GNA14: variants seen among roughly 807,000 people sequenced by gnomAD.
The protein encoded by GNA14 is G protein subunit alpha 14.
GNA14 carries 50 observed loss-of-function variants against 42.0 expected under a neutral mutation model. That is an observed-to-expected ratio of 1.19 (90% CI 0.95 to 1.51). The LOEUF (loss-of-function observed/expected upper bound fraction) is 1.51, where lower values mean the gene tolerates loss of function less well. Ranked by LOEUF, GNA14 falls within the 40% of genes most tolerant of loss-of-function variation. The pLI, the probability that GNA14 is intolerant of heterozygous loss-of-function variation, is 0.00. For missense variants in GNA14, 473 were observed against 446.2 expected, an observed-to-expected ratio of 1.06 and a Z score of -0.54; for synonymous variants, 173 against 163.1, an observed-to-expected ratio of 1.06 and a Z score of -0.46.
intron 1 of GNA14, among the ~76,000 whole-genome samples, chr9:77,538,477 G>A (rs548612890): frequency 4.6e-5 from 7 of 151,848 alleles, no homozygotes; most frequent in African/African-American, 1.4e-4. Flanking sequence ...ATATGATGTT[G>A]GTATTCTGAT....
intron 1 of GNA14, among the ~76,000 whole-genome samples, chr9:77,595,235 A>G (rs1308268958): frequency 6.6e-6 from 1 of 152,004 alleles, no homozygotes; most frequent in East Asian, 1.9e-4. Context: ...TGTTAAGTTA[A>G]TGTTTGGATT....
chr9:77,594,115 G>A (rs550563894), intron 1 of GNA14, among the ~76,000 whole-genome samples: 3 of 152,208 alleles, frequency 2.0e-5, no homozygotes, highest in Non-Finnish European at 2.9e-5. Context: ...AAACTCCATC[G>A]TGGCACAGAG....
intron 1 of GNA14, among the ~76,000 whole-genome samples, chr9:77,628,236 A>T (rs1463064968): frequency 6.6e-6 from 1 of 152,198 alleles, no homozygotes; most frequent in Non-Finnish European, 1.5e-5. Context: ...TCAAGGAAAT[A>T]AGAGAGGACA....
chr9:77,598,137 A>C (rs187452622), intron 1 of GNA14, among the ~76,000 whole-genome samples: 2 of 152,252 alleles, frequency 1.3e-5, no homozygotes, highest in Non-Finnish European at 2.9e-5. Context: ...TCCTTAGTCC[A>C]TTTAGACTTT....
At chr9:77,462,236 G>C (rs189477123) in intron 2 of GNA14, among the ~76,000 whole-genome samples, 3 of 152,092 alleles carry the variant, frequency 2.0e-5, no homozygotes, top group Non-Finnish European at 2.9e-5. Flanking sequence ...AGCCAGACTC[G>C]GGCAGCTGTG....
intron 1 of GNA14, among the ~76,000 whole-genome samples, chr9:77,530,531 TATC>T (rs1837510930): frequency 6.6e-6 from 1 of 152,202 alleles, no homozygotes; most frequent in Non-Finnish European, 1.5e-5. Flanking sequence ...CGAATACAAT[TATC>T]ATCTTCATTT....
At chr9:77,475,647 C>A (rs1284445458) in intron 2 of GNA14, among the ~76,000 whole-genome samples, 1 of 152,166 alleles carries the variant, frequency 6.6e-6, no homozygotes, top group Non-Finnish European at 1.5e-5. Context: ...AATCTCACCA[C>A]TCCTCTTCGT....
chr9:77,475,035 T>C lies in GNA14; in HGVS notation c.310-40513A>G, dbSNP rs1836394430. On this transcript the variant is annotated intron_variant, in intron 2 of 6. Transcript: ENST00000341700. ...GCATGATGGCTTAATGGGTCCAGTG[T>C]TTCTTTTATGGGGGACATAAAATTT... is the stretch of plus-strand genomic sequence containing the variant. Among the ~76,000 whole-genome samples the C allele has an allele frequency of 1.3e-5, 2 of 151,858 alleles. 1 individual carries two copies. Among genetic ancestry groups the C allele is most frequent in the African/African-American group, 4.9e-5 (2 of 41,146 alleles).
rs1837320703 is a variant in GNA14, at chr9:77,519,719, T to G, written c.309+9350A>C. On this transcript the variant is annotated intron_variant, in intron 2 of 6. Coordinates refer to ENST00000341700, the MANE Select transcript of GNA14 (RefSeq NM_004297.4). ...GTACACTACTTGGTGATGGTTACACTGAAAGCCCAGACCAGACATGGTAAC... is the reference window on the plus strand; with the variant it reads ...GTACACTACTTGGTGATGGTTACACGGAAAGCCCAGACCAGACATGGTAAC... 2.0e-5 allele frequency among the ~76,000 whole-genome samples: 3 copies of G among 152,140 alleles called. No individual in the cohort carries two copies. The South Asian group carries it at 6.2e-4, about 32-fold the overall frequency.
chr9:77,577,743 CAGA>C lies in GNA14; in HGVS notation c.125-48493_125-48491del, dbSNP rs369479890. ...TCTGTAGAATCGAGAAGGAGGATGACAGAAGGAGTTGCAGGAGGTACTTTGGAA... is the reference window on the plus strand; with the variant it reads ...TCTGTAGAATCGAGAAGGAGGATGACAGGAGTTGCAGGAGGTACTTTGGAA... On this transcript the variant is annotated intron_variant, in intron 1 of 6. Transcript: ENST00000341700. Among the ~76,000 whole-genome samples the C allele has an allele frequency of 1.1e-4, 16 of 152,266 alleles. No individual in the cohort carries two copies. The East Asian group carries it at 2.7e-3, about 26-fold the overall frequency.
intron 1 of GNA14, 107 bp from the exon 2 acceptor site, chr9:77,529,360 T>A: frequency 1.1e-6 from 1 of 872,936 alleles, no homozygotes; most frequent in Middle Eastern, 2.3e-4. Flanking sequence ...ATTAATAGGC[T>A]GATGGGTTGG....
At chr9:77,450,850 T>G (rs192689215) in intron 2 of GNA14, among the ~76,000 whole-genome samples, 1 of 151,970 alleles carries the variant, frequency 6.6e-6, no homozygotes, top group African/African-American at 2.4e-5. Flanking sequence ...GTTCTCTTGA[T>G]AGTGAATAAG....
intron 2 of GNA14, among the ~76,000 whole-genome samples, chr9:77,520,022 T>TA (rs1321376246): frequency 1.3e-5 from 2 of 151,472 alleles, no homozygotes; most frequent in Non-Finnish European, 2.9e-5. Flanking sequence ...AAAGTAAAAA[T>TA]AAAAAAAGAA....
At chr9:77,506,625 C>T (rs746998263) in intron 2 of GNA14, among the ~76,000 whole-genome samples, 5 of 151,810 alleles carry the variant, frequency 3.3e-5, no homozygotes, top group Non-Finnish European at 5.9e-5. Flanking sequence ...TGCAGTGAGC[C>T]GAGATCAGGC....
intron 2 of GNA14, among the ~76,000 whole-genome samples, chr9:77,493,026 A>AAAAAAAAAATATATATATATATAT (rs1554691641): frequency 1.9e-5 from 1 of 51,730 alleles, no homozygotes; most frequent in African/African-American, 1.1e-4. Flanking sequence ...AAAAAAAAAA[A>AAAAAAAAAATATATATATATATAT]ATATATATAT....
intron 1 of GNA14, among the ~76,000 whole-genome samples, chr9:77,575,678 C>G (rs1309729494): frequency 6.6e-6 from 1 of 152,124 alleles, no homozygotes; most frequent in Non-Finnish European, 1.5e-5. Flanking sequence ...TTAAGGTTGA[C>G]AAGTTCTATT....
chr9:77,538,298 T>G (rs1021926179), intron 1 of GNA14, among the ~76,000 whole-genome samples: 7 of 152,172 alleles, frequency 4.6e-5, no homozygotes, highest in Admixed American at 1.3e-4. Context: ...GGTCTTGAAA[T>G]CCTGACCTCA....
At chr9:77,564,636 C>A (rs949772146) in intron 1 of GNA14, among the ~76,000 whole-genome samples, 7 of 151,982 alleles carry the variant, frequency 4.6e-5, no homozygotes, top group Non-Finnish European at 1.0e-4. Flanking sequence ...AGTTCAAGAC[C>A]AGCCTGGCCA....
At chr9:77,518,900 G>A (rs538244431) in intron 2 of GNA14, among the ~76,000 whole-genome samples, 14 of 152,254 alleles carry the variant, frequency 9.2e-5, no homozygotes, top group Non-Finnish European at 1.8e-4. Context: ...AAAATACGCA[G>A]TTAAACATAA....
Sources: allele counts gnomAD v4.1 joint callset (sites outside exome capture counted in the v4.1 genomes callset), GRCh38; gene constraint gnomAD v4.1.1; transcripts MANE v1.5; gene names NCBI Gene and HGNC (gene_info 2026-07-23, HGNC 2026-07-21).